Variants in VOPP1 observed in about 807,000 individuals in gnomAD.
VOPP1 encodes the protein VOPP1 WW domain binding protein.
A neutral mutation model predicts 23.5 loss-of-function variants in VOPP1; 8 were observed. That is an observed-to-expected ratio of 0.34 (90% CI 0.20 to 0.61). The LOEUF (loss-of-function observed/expected upper bound fraction) is 0.61. VOPP1 is among the 20% of genes least tolerant of loss of function. VOPP1 has a pLI of 0.78. For synonymous variants in VOPP1, 83 were observed against 97.3 expected (o/e 0.85, Z 0.86); for missense variants, 174 against 238.1 (o/e 0.73, Z 1.77).
At chr7:55,451,956 A>G (rs6976519) in intron 4 of VOPP1, among the ~76,000 whole-genome samples, 86,704 of 152,004 alleles carry the variant, frequency 0.57, 25,889 homozygotes, top group African/African-American at 0.72. Context: ...ATTTCTTAAA[A>G]TAAGACAACA....
intron 4 of VOPP1, among the ~76,000 whole-genome samples, chr7:55,443,417 G>A (rs562262037): frequency 4.6e-5 from 7 of 151,842 alleles, no homozygotes; most frequent in African/African-American, 1.7e-4. Flanking sequence ...AGCCAGGCGT[G>A]GTGGCGGGCG....
chr7:55,537,686 A>C, intron 1 of VOPP1: 1 of 1,467,808 alleles, frequency 6.8e-7, no homozygotes, highest in Admixed American at 2.3e-5. Flanking sequence ...TTGAGTGGTG[A>C]GAACATCTAC....
intron 4 of VOPP1, among the ~76,000 whole-genome samples, chr7:55,488,436 C>T (rs1355049737): frequency 1.3e-5 from 2 of 152,160 alleles, no homozygotes; most frequent in African/African-American, 4.8e-5. Context: ...CCTGGGCTGG[C>T]CTGGAGCCCC....
chr7:55,566,298 G>C (rs552816861), intron 1 of VOPP1, among the ~76,000 whole-genome samples: 2 of 152,052 alleles, frequency 1.3e-5, no homozygotes, highest in Non-Finnish European at 2.9e-5. Context: ...ATAGAATTTT[G>C]TCAGGAAAAT....
intron 4 of VOPP1, among the ~76,000 whole-genome samples, chr7:55,462,707 G>A (rs1354479395): frequency 1.2e-4 from 17 of 144,406 alleles, no homozygotes; most frequent in Non-Finnish European, 2.0e-4. Context: ...CCAGGCTGGA[G>A]TGCAGTGGCG....
chr7:55,537,065 C>T lies in VOPP1; in HGVS notation c.55-15935G>A, dbSNP rs141405600. Among the ~76,000 whole-genome samples the T allele has an allele frequency of 5.0e-4, 76 of 152,222 alleles. 1 individual carries two copies. The East Asian group carries it at 0.01, about 21-fold the overall frequency. ...TGGGGAGGGGCCAGACATTTTCTGA[C>T]GAGAAACGCAATGCAGATGGTGAGT... On this transcript the variant is annotated intron_variant, in intron 1 of 4. Transcript: ENST00000285279.
At chr7:55,476,491 C>T (rs985978783) in intron 4 of VOPP1, among the ~76,000 whole-genome samples, 2 of 152,110 alleles carry the variant, frequency 1.3e-5, no homozygotes, top group South Asian at 2.1e-4. Flanking sequence ...TCCGGCAGGC[C>T]GCAGAGGGAG....
At chr7:55,443,757 C>T (rs1324248846) in intron 4 of VOPP1, among the ~76,000 whole-genome samples, 3 of 150,692 alleles carry the variant, frequency 2.0e-5, no homozygotes, top group African/African-American at 7.3e-5. Flanking sequence ...CGATTCTCCT[C>T]CCTCAGCCTC....
At chr7:55,439,614 G>A (rs574817130) in intron 4 of VOPP1, among the ~76,000 whole-genome samples, 7 of 152,348 alleles carry the variant, frequency 4.6e-5, no homozygotes, top group African/African-American at 1.2e-4. Context: ...TCTCCAAGGA[G>A]GCAAGGGCCT....
chr7:55,549,329 G>C (rs575411669), intron 1 of VOPP1, among the ~76,000 whole-genome samples: 4 of 152,242 alleles, frequency 2.6e-5, no homozygotes, highest in Middle Eastern at 3.4e-3. Context: ...TGGCCCTCAC[G>C]ATCAGGCATA....
At chr7:55,507,663 A>T (rs1794819826) in intron 2 of VOPP1, among the ~76,000 whole-genome samples, 1 of 152,216 alleles carries the variant, frequency 6.6e-6, no homozygotes, top group Non-Finnish European at 1.5e-5. Context: ...CACAGACCTG[A>T]CTATGAACTC....
chr7:55,570,081 C>T (rs531899759), intron 1 of VOPP1, among the ~76,000 whole-genome samples: 1 of 152,186 alleles, frequency 6.6e-6, no homozygotes, highest in Non-Finnish European at 1.5e-5. Context: ...TTTATGCACT[C>T]AACCTGAAGA....
intron 1 of VOPP1, among the ~76,000 whole-genome samples, chr7:55,562,885 C>T (rs954379364): frequency 6.6e-6 from 1 of 152,190 alleles, no homozygotes; most frequent in Admixed American, 6.5e-5. Flanking sequence ...AAATTCTTTG[C>T]TTTCAATTAA....
At chr7:55,466,511 G>A (rs1362313003), downstream of VOPP1, among the ~76,000 whole-genome samples, 2 of 152,186 alleles carry the variant, frequency 1.3e-5, no homozygotes, top group Non-Finnish European at 2.9e-5. Context: ...GGGACTGAGG[G>A]GGGAAACCAG....
intron 1 of VOPP1, among the ~76,000 whole-genome samples, chr7:55,544,782 C>T (rs900133531): frequency 3.3e-5 from 5 of 152,278 alleles, no homozygotes; most frequent in Middle Eastern, 3.4e-3. Flanking sequence ...AATGAAACCA[C>T]GAGGCCATTT....
intron 4 of VOPP1, among the ~76,000 whole-genome samples, chr7:55,490,070 G>A (rs530900140): frequency 1.3e-5 from 2 of 152,248 alleles, no homozygotes; most frequent in African/African-American, 4.8e-5. Flanking sequence ...ATGGGTCTGA[G>A]GAAGCTGTGA....
chr7:55,533,947 C>A lies in VOPP1; in HGVS notation c.55-12817G>T, dbSNP rs539843377. On this transcript the variant is annotated intron_variant, in intron 1 of 4. Coordinates refer to ENST00000285279, the MANE Select transcript of VOPP1 (RefSeq NM_030796.5). ...GGAAGGAGGATGGCAAAACTCAGATCCAAAAGCAACAACTCTGCCTCAGTG... is the reference window on the plus strand; with the variant it reads ...GGAAGGAGGATGGCAAAACTCAGATACAAAAGCAACAACTCTGCCTCAGTG... Among the ~76,000 whole-genome samples, 26 of 152,182 alleles carry A rather than the reference C, an allele frequency of 1.7e-4. 1 individual carries two copies. The South Asian group carries it at 4.6e-3, about 27-fold the overall frequency.
intron 2 of VOPP1, among the ~76,000 whole-genome samples, chr7:55,502,821 T>G (rs1794460503): frequency 6.6e-6 from 1 of 152,178 alleles, no homozygotes; most frequent in African/African-American, 2.4e-5. Context: ...AGACTACACC[T>G]TTGCAGAACA....
chr7:55,524,977 A>C (rs1796082704), intron 1 of VOPP1, among the ~76,000 whole-genome samples: 1 of 152,152 alleles, frequency 6.6e-6, no homozygotes, highest in Non-Finnish European at 1.5e-5. Flanking sequence ...GAGTACTCCC[A>C]ATCACCAGCA....
Sources: gnomAD v4.1 joint callset for allele counts (sites outside exome capture counted in the v4.1 genomes callset) on GRCh38, gnomAD v4.1.1 for gene constraint, MANE v1.5 for transcripts, NCBI Gene and HGNC (gene_info 2026-07-23, HGNC 2026-07-21) for gene names.